The following ERC2 variants were observed in gnomAD, a reference collection of about 807,000 sequenced individuals.
The protein encoded by ERC2 is ERC protein 2.
Under a neutral mutation model 114.8 loss-of-function variants are expected in ERC2, and 42 were observed. The ratio of observed to expected loss-of-function variants is 0.37; its 90% CI spans 0.29 to 0.47. The LOEUF is 0.47. Ranked by LOEUF, ERC2 falls within the 20% of genes least tolerant of loss-of-function variation. The probability of loss-of-function intolerance (pLI) is 0.99; values close to 1 mark genes in which losing one functional copy is unlikely to be tolerated. For synonymous variants in ERC2, 454 were observed against 425.5 expected (o/e 1.07, Z -0.82); for missense variants, 939 against 1,150.7 (o/e 0.82, Z 2.66).
intron 3 of ERC2, among the ~76,000 whole-genome samples, chr3:56,194,832 T>C (rs956436417): frequency 5.9e-5 from 9 of 152,110 alleles, no homozygotes; most frequent in Non-Finnish European, 1.2e-4. Flanking sequence ...ACGTGAAATT[T>C]ACCTCTAATC....
At chr3:55,623,870 T>C (rs556299365) in intron 17 of ERC2, among the ~76,000 whole-genome samples, 5 of 152,322 alleles carry the variant, frequency 3.3e-5, no homozygotes, top group South Asian at 4.1e-4. Flanking sequence ...AAAGTAAAAA[T>C]TGACTTGCTG....
At chr3:56,239,365 G>C (rs1489658310) in intron 3 of ERC2, among the ~76,000 whole-genome samples, 1 of 152,090 alleles carries the variant, frequency 6.6e-6, no homozygotes, top group Non-Finnish European at 1.5e-5. Flanking sequence ...AATTAGCCAG[G>C]CATGGTGGCA....
chr3:56,032,644 G>A (rs1326349277), intron 7 of ERC2, among the ~76,000 whole-genome samples: 3 of 151,846 alleles, frequency 2.0e-5, no homozygotes, highest in Non-Finnish European at 4.4e-5. Context: ...CAAGAGAAAA[G>A]TGATTCATCA....
chr3:56,174,311 G>T (rs1348656111), intron 3 of ERC2, among the ~76,000 whole-genome samples: 1 of 152,166 alleles, frequency 6.6e-6, no homozygotes, highest in African/African-American at 2.4e-5. Context: ...ACTTTGAAAA[G>T]TTGTCTTAGC....
At chr3:55,993,365 T>C (rs1186613721) in intron 10 of ERC2, among the ~76,000 whole-genome samples, 3 of 152,170 alleles carry the variant, frequency 2.0e-5, no homozygotes, top group Admixed American at 1.3e-4. Flanking sequence ...TGTTTTTATA[T>C]ACTTTTTTGA....
At chr3:55,779,630 T>C (rs1378665580) in intron 14 of ERC2, among the ~76,000 whole-genome samples, 1 of 152,146 alleles carries the variant, frequency 6.6e-6, no homozygotes, top group African/African-American at 2.4e-5. Flanking sequence ...AACTGTAAGC[T>C]GCAACACTTG....
chr3:56,146,933 C>G (rs1358007548), intron 5 of ERC2, among the ~76,000 whole-genome samples: 5 of 152,198 alleles, frequency 3.3e-5, no homozygotes, highest in African/African-American at 1.2e-4. Flanking sequence ...GATGGTCTCT[C>G]AGACAAACGT....
At chr3:55,589,908 G>T (rs1416011884) in intron 17 of ERC2, among the ~76,000 whole-genome samples, 2 of 152,090 alleles carry the variant, frequency 1.3e-5, no homozygotes, top group African/African-American at 4.8e-5. Flanking sequence ...GCCCTGTGCA[G>T]CACACTGAAG....
At chr3:55,660,766 C>T (rs988120388) in intron 17 of ERC2, among the ~76,000 whole-genome samples, 1 of 152,138 alleles carries the variant, frequency 6.6e-6, no homozygotes, top group African/African-American at 2.4e-5. Context: ...GTTTGAGTCC[C>T]AGCCCTGCCA....
chr3:56,094,378 TG>T (rs1247829793), intron 6 of ERC2, among the ~76,000 whole-genome samples: 1 of 152,126 alleles, frequency 6.6e-6, no homozygotes. Flanking sequence ...GTGAAAACAG[TG>T]GAGCTTTCAG....
At chr3:55,534,819 C>T (rs1315274697) in intron 17 of ERC2, among the ~76,000 whole-genome samples, 1 of 152,136 alleles carries the variant, frequency 6.6e-6, no homozygotes, top group Admixed American at 6.5e-5. Flanking sequence ...TGAAGGAGCA[C>T]AAGGTGATGA....
intron 3 of ERC2, among the ~76,000 whole-genome samples, chr3:56,186,494 C>T (rs1309699295): frequency 6.6e-6 from 1 of 152,114 alleles, no homozygotes; most frequent in Non-Finnish European, 1.5e-5. Context: ...TTTCTTACTA[C>T]AGGGTCCTTT....
intron 6 of ERC2, among the ~76,000 whole-genome samples, chr3:56,095,254 T>A (rs901359461): frequency 6.6e-6 from 1 of 152,022 alleles, no homozygotes; most frequent in South Asian, 2.1e-4. Flanking sequence ...TTAATATAGA[T>A]ATATGAAAAA....
chr3:56,260,066 G>A (rs1472973161), intron 3 of ERC2, among the ~76,000 whole-genome samples: 1 of 152,114 alleles, frequency 6.6e-6, no homozygotes, highest in Non-Finnish European at 1.5e-5. Context: ...AGAGTTTCTT[G>A]CAACCACAGA....
chr3:56,279,248 T>C (rs998801553), intron 3 of ERC2, among the ~76,000 whole-genome samples: 3 of 152,232 alleles, frequency 2.0e-5, no homozygotes, highest in African/African-American at 7.2e-5. Flanking sequence ...CTAGGGTTCA[T>C]GGAAGCATCA....
At chr3:55,597,767 G>A (rs985849246) in intron 17 of ERC2, among the ~76,000 whole-genome samples, 1 of 152,152 alleles carries the variant, frequency 6.6e-6, no homozygotes, top group African/African-American at 2.4e-5. Context: ...ATGTGCTGAT[G>A]AAAGCCTGAC....
chr3:55,767,546 C>T (rs1409277628), intron 14 of ERC2, among the ~76,000 whole-genome samples: 2 of 152,130 alleles, frequency 1.3e-5, no homozygotes, highest in East Asian at 1.9e-4. Flanking sequence ...TGCTTTAATT[C>T]CCAGGAGGCA....
chr3:56,454,422 A>G (rs1223723865), intron 1 of ERC2, among the ~76,000 whole-genome samples: 1 of 152,206 alleles, frequency 6.6e-6, no homozygotes, highest in Non-Finnish European at 1.5e-5. Context: ...TGCAGGGTGT[A>G]GAAGTCCCAG....
intron 2 of ERC2, among the ~76,000 whole-genome samples, chr3:56,359,145 A>G (rs2058852428): frequency 6.6e-6 from 1 of 152,214 alleles, no homozygotes; most frequent in African/African-American, 2.4e-5. Context: ...TCACAATATC[A>G]TCATGCCTCA....
Sources: gnomAD v4.1 joint callset for allele counts (sites outside exome capture counted in the v4.1 genomes callset) on GRCh38, gnomAD v4.1.1 for gene constraint, MANE v1.5 for transcripts, NCBI Gene and HGNC (gene_info 2026-07-23, HGNC 2026-07-21) for gene names.